The following DENND1B variants were observed in gnomAD, a reference collection of about 807,000 sequenced individuals.
DENND1B encodes the protein DENN domain containing 1B.
A neutral mutation model predicts 90.1 loss-of-function variants in DENND1B; 59 were observed. The observed-to-expected ratio is 0.65, with a 90% CI of 0.53 to 0.81. The LOEUF (loss-of-function observed/expected upper bound fraction) is 0.81. Ranked by LOEUF, DENND1B falls within the 40% of genes least tolerant of loss-of-function variation. The pLI is 0.00. For synonymous variants in DENND1B, 337 were observed against 324.6 expected (o/e 1.04, Z -0.41); for missense variants, 862 against 912.6 (o/e 0.94, Z 0.71).
chr1:197,584,870 G>A (rs983633828), intron 14 of DENND1B, among the ~76,000 whole-genome samples: 1 of 151,948 alleles, frequency 6.6e-6, no homozygotes, highest in African/African-American at 2.4e-5. Context: ...AAAGGGTTTC[G>A]CTATGTTGCC....
intron 13 of DENND1B, among the ~76,000 whole-genome samples, chr1:197,601,013 C>A (rs960126618): frequency 6.6e-6 from 1 of 151,436 alleles, no homozygotes; most frequent in Non-Finnish European, 1.5e-5. Flanking sequence ...TGAGCTACAA[C>A]AGGTCCAGCC....
chr1:197,692,427 T>C (rs919514322), intron 3 of DENND1B, among the ~76,000 whole-genome samples: 1 of 151,848 alleles, frequency 6.6e-6, no homozygotes, highest in Non-Finnish European at 1.5e-5. Flanking sequence ...CAAACTACCT[T>C]TGTAGCCTCA....
intron 2 of DENND1B, chr1:197,734,438 A>G: frequency 1.0e-6 from 1 of 984,972 alleles, no homozygotes; most frequent in Non-Finnish European, 1.2e-6. Flanking sequence ...TTAAACCAAT[A>G]GCAACAACAA....
chr1:197,658,463 T>C, intron 5 of DENND1B, 94 bp from the exon 6 acceptor site: 7 of 884,216 alleles, frequency 7.9e-6, no homozygotes, highest in Non-Finnish European at 1.2e-5. Flanking sequence ...TCAAACAGGT[T>C]AATCCTGGAG....
At chr1:197,637,177 G>C (rs1244274945) in intron 10 of DENND1B, among the ~76,000 whole-genome samples, 1 of 151,752 alleles carries the variant, frequency 6.6e-6, no homozygotes, top group Non-Finnish European at 1.5e-5. Flanking sequence ...GCACAAAATT[G>C]TCACTGTTCC....
intron 2 of DENND1B, among the ~76,000 whole-genome samples, chr1:197,750,845 C>G (rs546209569): frequency 1.3e-5 from 2 of 152,096 alleles, no homozygotes; most frequent in African/African-American, 4.8e-5. Context: ...GACAGAGAGA[C>G]AGAGAGAAAT....
intron 10 of DENND1B, among the ~76,000 whole-genome samples, chr1:197,635,158 A>T (rs1679672660): frequency 6.6e-6 from 1 of 152,234 alleles, no homozygotes; most frequent in African/African-American, 2.4e-5. Context: ...TTTCTACTTG[A>T]CAAAGATACA....
intron 14 of DENND1B, among the ~76,000 whole-genome samples, chr1:197,588,883 A>C (rs899994971): frequency 2.7e-4 from 41 of 152,106 alleles, no homozygotes; most frequent in African/African-American, 9.7e-4. Context: ...CAAACTATAA[A>C]GTTTAATCAT....
intron 2 of DENND1B, among the ~76,000 whole-genome samples, chr1:197,761,219 A>G (rs1344034354): frequency 6.6e-6 from 1 of 152,196 alleles, no homozygotes; most frequent in Non-Finnish European, 1.5e-5. Context: ...AAACCAAAAA[A>G]ATTAACTTCA....
chr1:197,688,134 GAAAAAC>G (rs975853042), intron 3 of DENND1B, among the ~76,000 whole-genome samples: 6 of 151,896 alleles, frequency 4.0e-5, no homozygotes, highest in Non-Finnish European at 5.9e-5. Flanking sequence ...ATTTGCAAAT[GAAAAAC>G]TATAAAACAC....
chr1:197,642,653 T>C (rs1680366413), intron 10 of DENND1B, 58 bp downstream of exon 10: 2 of 1,238,632 alleles, frequency 1.6e-6, no homozygotes, highest in Non-Finnish European at 1.2e-6. Flanking sequence ...CAAAGGTTTT[T>C]AGGTCTTTTT....
At chr1:197,527,396 C>T (rs1669223180) in intron 20 of DENND1B, among the ~76,000 whole-genome samples, 2 of 150,724 alleles carry the variant, frequency 1.3e-5, no homozygotes, top group African/African-American at 4.9e-5. Flanking sequence ...GATTCTCCTG[C>T]CTCAGCCTCC....
chr1:197,605,634 A>T (rs1676607689), intron 13 of DENND1B: 1 of 151,146 alleles, frequency 6.6e-6, no homozygotes, highest in African/African-American at 2.4e-5. Context: ...TAGTTTTTAA[A>T]TGAGTAACTC....
rs570492804 is a variant in DENND1B, at chr1:197,738,751, C to CT, written c.83-23678dup. Among the ~76,000 whole-genome samples, 112 of 152,334 alleles carry CT rather than the reference C, an allele frequency of 7.4e-4. 1 individual carries two copies. The highest frequency in any genetic ancestry group is 2.5e-3 in the African/African-American group (103 of 41,564). The stretch of plus-strand genomic sequence containing the variant: ...AGTACAAACTGTATTTGCTCTCTCT[C>CT]TAACAACTAAAAATCTAAAAAAATA... On this transcript the variant is annotated intron_variant, in intron 2 of 22. Coordinates refer to ENST00000620048, the MANE Select transcript of DENND1B (RefSeq NM_001195215.2).
chr1:197,695,155 G>T (rs1005137238), intron 3 of DENND1B, among the ~76,000 whole-genome samples: 1 of 151,112 alleles, frequency 6.6e-6, no homozygotes. Context: ...GCCTGCTAAA[G>T]AAATAAAAAT....
chr1:197,591,392 A>T (rs1675189524), intron 14 of DENND1B, among the ~76,000 whole-genome samples: 1 of 152,228 alleles, frequency 6.6e-6, no homozygotes, highest in African/African-American at 2.4e-5. Flanking sequence ...CCTAATAAAC[A>T]GAAGAAGTAT....
chr1:197,637,196 A>C (rs1310786890), intron 10 of DENND1B, among the ~76,000 whole-genome samples: 1 of 152,146 alleles, frequency 6.6e-6, no homozygotes, highest in Non-Finnish European at 1.5e-5. Flanking sequence ...CCATATAAAA[A>C]ATACTAACAT....
chr1:197,641,908 CAATT>C (rs1343213350), intron 10 of DENND1B, among the ~76,000 whole-genome samples: 7 of 151,890 alleles, frequency 4.6e-5, no homozygotes, highest in African/African-American at 7.3e-5. Flanking sequence ...TTTTATTTAT[CAATT>C]AATCAAATTT....
chr1:197,695,261 T>C lies in DENND1B; in HGVS notation c.126+19770A>G, dbSNP rs532369909. 4.6e-5 allele frequency among the ~76,000 whole-genome samples: 7 copies of C among 151,252 alleles called. No individual in the cohort carries two copies. The South Asian group carries it at 1.5e-3, about 31-fold the overall frequency. On this transcript the variant is annotated intron_variant, in intron 3 of 22. Transcript: ENST00000620048. ...TTTTCCACGTTTGCCCCTTATAATG[T>C]TTCGTTCTGATTCATCTTTTTTAGT...
Sources: allele counts gnomAD v4.1 joint callset (sites outside exome capture counted in the v4.1 genomes callset), GRCh38; gene constraint gnomAD v4.1.1; transcripts MANE v1.5; gene names NCBI Gene and HGNC (gene_info 2026-07-23, HGNC 2026-07-21).